The following KIAA2012 variants were observed in gnomAD, a reference collection of about 807,000 sequenced individuals.
KIAA2012 encodes uncharacterized protein KIAA2012.
Under a neutral mutation model 150.6 loss-of-function variants are expected in KIAA2012, and 125 were observed. The ratio of observed to expected loss-of-function variants is 0.83; its 90% CI spans 0.72 to 0.96. The LOEUF is 0.96. KIAA2012 is among the 40% of genes least tolerant of loss of function. The probability of loss-of-function intolerance (pLI) is 0.00; values close to 1 mark genes in which losing one functional copy is unlikely to be tolerated. For missense variants in KIAA2012, 1,219 were observed against 1,354.9 expected, an observed-to-expected ratio of 0.90 and a Z score of 1.57; for synonymous variants, 462 against 504.7, an observed-to-expected ratio of 0.92 and a Z score of 1.13.
At chr2:202,075,943 C>T (rs1056241510) in intron 2 of KIAA2012, among the ~76,000 whole-genome samples, 1 of 152,238 alleles carries the variant, frequency 6.6e-6, no homozygotes, top group African/African-American at 2.4e-5. Flanking sequence ...CCATGTCTAG[C>T]CACATTTCCC....
At chr2:202,142,879 A>T (rs561167366) in intron 13 of KIAA2012, among the ~76,000 whole-genome samples, 1 of 151,814 alleles carries the variant, frequency 6.6e-6, no homozygotes, top group African/African-American at 2.4e-5. Context: ...TGTTTAACTA[A>T]CAGGCAACAT....
rs763805851 is a variant in KIAA2012, at chr2:202,194,225, G to A, written c.3050G>A (p.Arg1017Gln). 79 of 1,550,486 alleles carry A rather than the reference G, an allele frequency of 5.1e-5. No individual in the cohort carries two copies. In the South Asian group the frequency reaches 5.8e-4, roughly 11 times the overall value. The change falls in exon 21 of 24, where the codon CGG becomes CAG. Residue 1017 changes from arginine (R) to glutamine (Q), a missense_variant. Coordinates refer to ENST00000498697, the MANE Select transcript of KIAA2012 (RefSeq NM_001277372.4). ...CAGAGACTCCAAGAAGAACAGCAGC[G>A]GCAGGAGGAGGAGGAGAGAAAGCAG... ...RKQRLQEEQQ[R>Q]QEEEERKQQL...
At position 202,088,469 on chromosome 2, in the gene KIAA2012, G is replaced by C. The variant is rs562532486; in HGVS notation, c.370-2301G>C. ...AGAAATTAACATGCCCAAGGATGGG[G>C]CAAGATCTCAAGATCAATTCCATCT... On this transcript the variant is annotated intron_variant, in intron 2 of 23. Coordinates refer to ENST00000498697, the MANE Select transcript of KIAA2012 (RefSeq NM_001277372.4). Among the ~76,000 whole-genome samples, 5 of 152,312 alleles carry C rather than the reference G, an allele frequency of 3.3e-5. 1 individual carries two copies. In the South Asian group the frequency reaches 1.0e-3, roughly 32 times the overall value.
At chr2:202,180,804 G>A (rs948324759) in intron 15 of KIAA2012, among the ~76,000 whole-genome samples, 7 of 152,256 alleles carry the variant, frequency 4.6e-5, no homozygotes, top group Admixed American at 1.3e-4. Flanking sequence ...CAGCCTGGGC[G>A]ACAGAGCGAG....
chr2:202,203,563 A>C (rs1313215375), intron 23 of KIAA2012, among the ~76,000 whole-genome samples: 1 of 152,154 alleles, frequency 6.6e-6, no homozygotes, highest in East Asian at 1.9e-4. Context: ...CCCCCATTTC[A>C]AGTGCTCAGT....
chr2:202,156,729 C>CA (rs1371019279), intron 14 of KIAA2012, among the ~76,000 whole-genome samples: 2 of 152,052 alleles, frequency 1.3e-5, no homozygotes, highest in Non-Finnish European at 2.9e-5. Flanking sequence ...ACTAAAAATA[C>CA]AAAAAATTAG....
Position 202,100,306 on chromosome 2 carries a change from G to A in KIAA2012, c.1013-1G>A, listed in dbSNP as rs1235791735. 7 of 1,549,366 alleles carry A rather than the reference G, an allele frequency of 4.5e-6. No homozygotes were observed. The highest frequency in any genetic ancestry group is 6.1e-6 in the Non-Finnish European group (7 of 1,146,442). On this transcript the variant is annotated splice_acceptor_variant, in intron 6 of 23. Transcript: ENST00000498697. LOFTEE classifies it high-confidence loss of function. ...TTCTCATTCTCATCCTGTTTTTAAA[G>A]ATAAACAAAGGAACGTGAAACTCCA...
At chr2:202,184,982 G>A (rs1033367816) in intron 16 of KIAA2012, 139 bp downstream of exon 16, 2 of 591,042 alleles carry the variant, frequency 3.4e-6, no homozygotes, top group Non-Finnish European at 5.8e-6. Context: ...AAAATTAAAT[G>A]GTTGTCTAAG....
chr2:202,153,237 C>A (rs1691461606), intron 13 of KIAA2012, among the ~76,000 whole-genome samples: 3 of 152,158 alleles, frequency 2.0e-5, no homozygotes, highest in Non-Finnish European at 4.4e-5. Context: ...ATGGTTCCTG[C>A]CTTCAGGGGG....
At chr2:202,159,750 G>A (rs920317631) in intron 14 of KIAA2012, among the ~76,000 whole-genome samples, 1 of 152,210 alleles carries the variant, frequency 6.6e-6, no homozygotes, top group Non-Finnish European at 1.5e-5. Context: ...GCTGAGACAG[G>A]AGAATCTCTT....
chr2:202,177,748 C>T (rs1256930903), intron 15 of KIAA2012, among the ~76,000 whole-genome samples: 1 of 152,176 alleles, frequency 6.6e-6, no homozygotes, highest in Non-Finnish European at 1.5e-5. Flanking sequence ...ATGACCTAAA[C>T]ACTTTTTATT....
At chr2:202,160,019 G>A (rs573321175) in intron 14 of KIAA2012, among the ~76,000 whole-genome samples, 1 of 152,288 alleles carries the variant, frequency 6.6e-6, no homozygotes, top group Non-Finnish European at 1.5e-5. Context: ...ATTGAGCCTT[G>A]TATAATCTTC....
At chr2:202,152,663 T>C (rs1341988912) in intron 13 of KIAA2012, among the ~76,000 whole-genome samples, 1 of 152,174 alleles carries the variant, frequency 6.6e-6, no homozygotes, top group Admixed American at 6.5e-5. Context: ...AGAGGGACTG[T>C]CTCACCCTGA....
intron 12 of KIAA2012, 90 bp from the exon 13 acceptor site, chr2:202,138,342 A>G (rs201801447): frequency 7.5e-6 from 4 of 531,634 alleles, no homozygotes; most frequent in South Asian, 5.3e-5. Flanking sequence ...CATATGAACT[A>G]GGTGTGTGTG....
At chr2:202,074,496 G>T (rs1414668038) in intron 1 of KIAA2012, among the ~76,000 whole-genome samples, 1 of 152,204 alleles carries the variant, frequency 6.6e-6, no homozygotes, top group Admixed American at 6.5e-5. Context: ...AGCTGAAGTG[G>T]TGGTGGCTTG....
chr2:202,142,303 A>G (rs1691210325), intron 13 of KIAA2012, among the ~76,000 whole-genome samples: 1 of 152,264 alleles, frequency 6.6e-6, no homozygotes, highest in South Asian at 2.1e-4. Context: ...AAATGGCAAT[A>G]TAACTCATGA....
rs5837806 is a variant in KIAA2012 at position 202,119,274 on chromosome 2, G to GAA, written c.1762+5839_1762+5840dup. 3.4e-5 allele frequency among the ~76,000 whole-genome samples: 5 copies of GAA among 148,744 alleles called. No homozygotes were observed. The South Asian group carries it at 1.1e-3, about 32-fold the overall frequency. ...GCAACAGAGCGAGACTCCGTCTCAG[G>GAA]AAAAAAAAAAAAGAATAATAGCTTG... On this transcript the variant is annotated intron_variant, in intron 11 of 23. Transcript: ENST00000498697.
chr2:202,103,292 T>A (rs1690099728), intron 8 of KIAA2012, among the ~76,000 whole-genome samples, 178 bp downstream of exon 8: 1 of 152,220 alleles, frequency 6.6e-6, no homozygotes, highest in African/African-American at 2.4e-5. Context: ...CATATTCAAT[T>A]GGATTTTTAA....
At chr2:202,197,161 A>T in intron 22 of KIAA2012, 142 bp downstream of exon 22, 1 of 1,263,248 alleles carries the variant, frequency 7.9e-7, no homozygotes, top group Non-Finnish European at 1.1e-6. Flanking sequence ...AAAGGCATAG[A>T]GGGATTCTTT....
Sources: allele counts gnomAD v4.1 joint callset (sites outside exome capture counted in the v4.1 genomes callset), GRCh38; gene constraint gnomAD v4.1.1; transcripts MANE v1.5; gene names NCBI Gene and HGNC (gene_info 2026-07-23, HGNC 2026-07-21).